The following DOCK7 variants were observed in gnomAD, a reference collection of about 807,000 sequenced individuals.
DOCK7 encodes the protein dedicator of cytokinesis protein 7.
DOCK7 carries 138 observed loss-of-function variants against 271.0 expected under a neutral mutation model. That is an observed-to-expected ratio of 0.51 (90% CI 0.44 to 0.59). DOCK7 has a LOEUF of 0.59. DOCK7 is among the 20% of genes least tolerant of loss of function. The pLI is 0.00. For synonymous variants in DOCK7, 823 were observed against 876.1 expected (o/e 0.94, Z 1.07); for missense variants, 2,066 against 2,592.4 (o/e 0.80, Z 4.41).
chr1:62,517,024 C>T (rs1426165414), intron 31 of DOCK7, among the ~76,000 whole-genome samples: 3 of 152,152 alleles, frequency 2.0e-5, no homozygotes, highest in Admixed American at 6.5e-5. Context: ...TATCTTGATG[C>T]TTTTAGCTCC....
chr1:62,631,159 T>C, intron 11 of DOCK7, 81 bp downstream of exon 11: 1 of 1,325,704 alleles, frequency 7.5e-7, no homozygotes. Flanking sequence ...CCCTCCAGCC[T>C]AGGCCATAGA....
intron 41 of DOCK7, among the ~76,000 whole-genome samples, chr1:62,491,710 A>G (rs983019810): frequency 2.6e-5 from 4 of 152,228 alleles, no homozygotes; most frequent in Non-Finnish European, 5.9e-5. Flanking sequence ...TGGAAAAAAG[A>G]TTCTCCATTT....
chr1:62,601,021 G>A, intron 14 of DOCK7: 1 of 988,032 alleles, frequency 1.0e-6, no homozygotes. Flanking sequence ...TCCTTACTCA[G>A]ATTTCCCCTA....
At chr1:62,585,224 T>C (rs1647358306) in intron 15 of DOCK7, among the ~76,000 whole-genome samples, 1 of 152,194 alleles carries the variant, frequency 6.6e-6, no homozygotes, top group Non-Finnish European at 1.5e-5. Flanking sequence ...TAATTTGTGC[T>C]CACTGTTGTC....
At chr1:62,625,086 C>A in intron 12 of DOCK7, 173 bp downstream of exon 12, 1 of 489,552 alleles carries the variant, frequency 2.0e-6, no homozygotes, top group Admixed American at 3.6e-5. Context: ...ATAATAGGAA[C>A]AATATAAATC....
intron 31 of DOCK7, among the ~76,000 whole-genome samples, chr1:62,521,298 ACAAT>A (rs1363376551): frequency 6.6e-6 from 1 of 152,176 alleles, no homozygotes; most frequent in Non-Finnish European, 1.5e-5. Context: ...ATTTAACTAA[ACAAT>A]CAAAGAAAAA....
At chr1:62,583,058 ACT>A in intron 16 of DOCK7, 124 bp downstream of exon 16, 1 of 690,070 alleles carries the variant, frequency 1.4e-6, no homozygotes, top group Non-Finnish European at 2.5e-6. Flanking sequence ...GAAAATTATA[ACT>A]CTGATGTCAG....
At chr1:62,521,563 A>C (rs897117771) in intron 31 of DOCK7, among the ~76,000 whole-genome samples, 1 of 152,226 alleles carries the variant, frequency 6.6e-6, no homozygotes, top group Non-Finnish European at 1.5e-5. Flanking sequence ...CCGTAGAAAA[A>C]AGTTTACATC....
At chr1:62,558,078 T>C (rs1646204881) in intron 20 of DOCK7, among the ~76,000 whole-genome samples, 1 of 152,090 alleles carries the variant, frequency 6.6e-6, no homozygotes, top group African/African-American at 2.4e-5. Context: ...AAGTCCCAAT[T>C]TCCTAAAGTG....
chr1:62,509,312 CAA>C (rs71045845), intron 34 of DOCK7, among the ~76,000 whole-genome samples: 2 of 112,814 alleles, frequency 1.8e-5, no homozygotes, highest in African/African-American at 3.4e-5. Flanking sequence ...GATCTTGTCT[CAA>C]AAAAAAAAAA....
chr1:62,604,176 T>C, intron 14 of DOCK7: 1 of 1,613,350 alleles, frequency 6.2e-7, no homozygotes, highest in African/African-American at 1.3e-5. Flanking sequence ...AAAGATTTGG[T>C]GTTTTCTACT....
At chr1:62,596,528 T>A (rs1649271315) in intron 14 of DOCK7, among the ~76,000 whole-genome samples, 1 of 152,100 alleles carries the variant, frequency 6.6e-6, no homozygotes, top group African/African-American at 2.4e-5. Context: ...TTGGCTGGGC[T>A]CACGCTTGTA....
rs1450561441 is a variant in DOCK7, at chr1:62,532,240, G to T, written c.3612-2794C>A. ...AGTAGAGATGGGGTTTTACTATGTT[G>T]GCCAGGCTGGTCTCAAACTCCTGAC... On this transcript the variant is annotated intron_variant, in intron 29 of 49. Transcript: ENST00000635253. Among the ~76,000 whole-genome samples the T allele has an allele frequency of 2.0e-4, 30 of 152,072 alleles. 2 individuals are homozygous for T. Among genetic ancestry groups the T allele is most frequent in the Admixed American group, 2.0e-3 (30 of 15,268 alleles).
chr1:62,668,649 T>C (rs546652586), intron 1 of DOCK7, among the ~76,000 whole-genome samples: 2 of 152,272 alleles, frequency 1.3e-5, no homozygotes, highest in East Asian at 3.9e-4. Context: ...TTCCAGCACT[T>C]TGGGAGGTCC....
At chr1:62,570,252 C>A (rs567142829) in intron 18 of DOCK7, among the ~76,000 whole-genome samples, 2 of 152,126 alleles carry the variant, frequency 1.3e-5, no homozygotes, top group Non-Finnish European at 2.9e-5. Flanking sequence ...TTCTTATACA[C>A]CAACAACAGA....
intron 31 of DOCK7, among the ~76,000 whole-genome samples, chr1:62,520,358 A>T (rs572445839): frequency 6.6e-6 from 1 of 152,252 alleles, no homozygotes; most frequent in African/African-American, 2.4e-5. Flanking sequence ...TCCAACTGAC[A>T]AAGGGCTAAT....
intron 14 of DOCK7, chr1:62,604,049 T>C (rs1009074149): frequency 6.2e-7 from 1 of 1,613,210 alleles, no homozygotes. Context: ...GTTGGAAGAC[T>C]GGAAAGACAA....
Position 62,597,754 on chromosome 1 carries a change from A to C in DOCK7, c.1683-11130T>G, listed in dbSNP as rs146749211. 2.4e-5 allele frequency: 39 copies of C among 1,613,510 alleles called. No homozygotes were observed. The African/African-American group carries it at 4.7e-4, about 19-fold the overall frequency. On this transcript the variant is annotated intron_variant, in intron 14 of 49. Coordinates refer to ENST00000635253, the MANE Select transcript of DOCK7 (RefSeq NM_001367561.1). The stretch of plus-strand genomic sequence containing the variant: ...CATGGTCTTAAAGACTTTGTCCATA[A>C]GACGAAGGGCCAAATTAATGACATA...
intron 1 of DOCK7, among the ~76,000 whole-genome samples, chr1:62,667,737 G>C (rs1659480635): frequency 6.6e-6 from 1 of 151,908 alleles, no homozygotes; most frequent in South Asian, 2.1e-4. Context: ...AAATAAATAG[G>C]CCGGGCGCAG....
Sources: allele counts gnomAD v4.1 joint callset (sites outside exome capture counted in the v4.1 genomes callset), GRCh38; gene constraint gnomAD v4.1.1; transcripts MANE v1.5; gene names NCBI Gene and HGNC (gene_info 2026-07-23, HGNC 2026-07-21).